STT3B: variants seen among roughly 807,000 people sequenced by gnomAD.
STT3B encodes dolichyl-diphosphooligosaccharide--protein glycosyltransferase subunit STT3B.
STT3B carries 29 observed loss-of-function variants against 96.8 expected under a neutral mutation model. The observed-to-expected ratio is 0.30, with a 90% CI of 0.22 to 0.41. The LOEUF is 0.41. Ranked by LOEUF, STT3B falls within the 10% of genes least tolerant of loss-of-function variation. STT3B has a pLI of 1.00. For synonymous variants in STT3B, 367 were observed against 360.0 expected (o/e 1.02, Z -0.22); for missense variants, 640 against 1,022.3 (o/e 0.63, Z 5.10).
At chr3:31,591,283 A>C (rs551069852) in intron 3 of STT3B, among the ~76,000 whole-genome samples, 27 of 152,140 alleles carry the variant, frequency 1.8e-4, no homozygotes, top group Middle Eastern at 6.8e-3. Context: ...ATTTCATATG[A>C]TTCCTGTTTC....
At chr3:31,557,532 G>A (rs571057713) in intron 1 of STT3B, among the ~76,000 whole-genome samples, 10 of 152,178 alleles carry the variant, frequency 6.6e-5, no homozygotes, top group African/African-American at 2.4e-4. Context: ...ATTTGTTTGT[G>A]TCCCTTTAAT....
chr3:31,620,895 T>A (rs866387542), intron 9 of STT3B, among the ~76,000 whole-genome samples: 9 of 151,580 alleles, frequency 5.9e-5, no homozygotes, highest in Middle Eastern at 6.8e-3. Flanking sequence ...GATTGCACAC[T>A]CATTGTTCTC....
intron 1 of STT3B, among the ~76,000 whole-genome samples, chr3:31,537,841 G>T (rs960565558): frequency 6.6e-6 from 1 of 152,086 alleles, no homozygotes; most frequent in Non-Finnish European, 1.5e-5. Flanking sequence ...TTGAGTGTTT[G>T]AGAAAATGTT....
At chr3:31,621,109 C>T (rs1228307626) in intron 9 of STT3B, among the ~76,000 whole-genome samples, 1 of 152,118 alleles carries the variant, frequency 6.6e-6, no homozygotes, top group African/African-American at 2.4e-5. Flanking sequence ...AAGTCATCAG[C>T]AGTAGCATGA....
intron 3 of STT3B, among the ~76,000 whole-genome samples, chr3:31,582,199 C>G (rs1698420651): frequency 6.6e-6 from 1 of 151,746 alleles, no homozygotes; most frequent in South Asian, 2.1e-4. Flanking sequence ...GTATATGCTG[C>G]TGAAGCAAGC....
At chr3:31,598,079 G>C (rs6788777) in intron 4 of STT3B, among the ~76,000 whole-genome samples, 4,307 of 151,900 alleles carry the variant, frequency 0.028, 227 homozygotes, top group African/African-American at 0.096. Context: ...CAAGTGATCT[G>C]CCTGTCTCAG....
chr3:31,629,539 C>T, intron 14 of STT3B, 128 bp downstream of exon 14: 2 of 495,738 alleles, frequency 4.0e-6, no homozygotes, highest in Non-Finnish European at 7.0e-6. Context: ...TCTAAATAGT[C>T]TTTTTTTCAT....
At chr3:31,627,027 C>T (rs879343785) in intron 13 of STT3B, among the ~76,000 whole-genome samples, 16 of 152,110 alleles carry the variant, frequency 1.1e-4, no homozygotes, top group Admixed American at 6.5e-4. Context: ...AATACCTTCC[C>T]TACCACAGAC....
chr3:31,536,052 A>G lies in STT3B; in HGVS notation c.314+2740A>G, dbSNP rs115815208. 2.6e-3 allele frequency among the ~76,000 whole-genome samples: 400 copies of G among 151,474 alleles called. 2 individuals are homozygous for G. The highest frequency in any genetic ancestry group is 9.5e-3 in the African/African-American group (392 of 41,274). On this transcript the variant is annotated intron_variant, in intron 1 of 15. Coordinates refer to ENST00000295770, the MANE Select transcript of STT3B (RefSeq NM_178862.3). Reference sequence around the variant, plus strand: ...TTAATGAGAGAATCAGGTTTCAGACAAAAAAAATACCTTGTTCTTGTTTTT... The same window carrying G: ...TTAATGAGAGAATCAGGTTTCAGACGAAAAAAATACCTTGTTCTTGTTTTT...
At chr3:31,606,097 G>T (rs1381609747) in intron 5 of STT3B, among the ~76,000 whole-genome samples, 1 of 152,226 alleles carries the variant, frequency 6.6e-6, no homozygotes, top group African/African-American at 2.4e-5. Context: ...TCTGGTGGAA[G>T]AAATTTTTAA....
intron 5 of STT3B, among the ~76,000 whole-genome samples, chr3:31,605,563 A>G (rs1180971244): frequency 2.0e-5 from 3 of 152,018 alleles, no homozygotes; most frequent in Non-Finnish European, 2.9e-5. Flanking sequence ...CTTGGTTTTC[A>G]TTTCCCTCTT....
chr3:31,600,343 C>T lies in STT3B; in HGVS notation c.778-17C>T. Reference sequence around the variant, plus strand: ...AAGTAAAAATATATATTTAACTTAGCACTTCTTTTCCTATAGGTCTCTGCT... The same window carrying T: ...AAGTAAAAATATATATTTAACTTAGTACTTCTTTTCCTATAGGTCTCTGCT... On this transcript the variant is annotated splice_polypyrimidine_tract_variant and intron_variant, in intron 4 of 15. Transcript: ENST00000295770. 8.8e-7 allele frequency: 1 copy of T among 1,134,400 alleles called. No individual in the cohort carries two copies. The highest frequency in any genetic ancestry group is 2.4e-5 in the East Asian group (1 of 41,500). 70.3% of individuals were successfully genotyped at this position (1,134,400 alleles called of 1,614,324 possible).
intron 1 of STT3B, among the ~76,000 whole-genome samples, chr3:31,555,679 T>C (rs987743168): frequency 3.9e-5 from 6 of 152,120 alleles, no homozygotes; most frequent in Admixed American, 1.3e-4. Flanking sequence ...TGTTTTATTA[T>C]GTATTTTTGT....
At chr3:31,616,091 AAAAAGGCAGG>A in intron 6 of STT3B, among the ~76,000 whole-genome samples, 1 of 152,078 alleles carries the variant, frequency 6.6e-6, no homozygotes, top group Middle Eastern at 3.4e-3. Context: ...TGAAAATTTT[AAAAAGGCAGG>A]GAAACTGTAT....
chr3:31,637,545 T>C lies in STT3B; in HGVS notation c.*1481T>C, dbSNP rs542851588. The C allele has an allele frequency of 6.6e-5, 10 of 152,356 alleles. No homozygotes were observed. Among genetic ancestry groups the C allele is most frequent in the Admixed American group, 3.3e-4 (5 of 15,314 alleles). The allele number at this position is 152,356 out of a possible 1,614,324, so 9.4% of individuals were successfully genotyped here. A position where few individuals can be genotyped will look rare whatever the true frequency, so the allele number is the denominator to read the frequency against. On this transcript the variant is annotated 3_prime_UTR_variant, in exon 16 of 16. Transcript: ENST00000295770. ...CCTTGTCATTTGGGGGATTTTATTT[T>C]ACTTTGTTGCTTTAAAATTCAATGC...
At chr3:31,552,285 T>C (rs1350713500) in intron 1 of STT3B, among the ~76,000 whole-genome samples, 4 of 152,200 alleles carry the variant, frequency 2.6e-5, no homozygotes, top group Non-Finnish European at 4.4e-5. Context: ...TCAAAAAATA[T>C]TGATTGAATA....
At chr3:31,632,790 T>TTAA in intron 14 of STT3B, 145 bp from the exon 15 acceptor site, 1 of 678,816 alleles carries the variant, frequency 1.5e-6, no homozygotes. Context: ...TAGCAATACA[T>TTAA]GAGAACTATT....
chr3:31,568,083 TCA>T (rs1698048091), intron 1 of STT3B, among the ~76,000 whole-genome samples: 1 of 152,106 alleles, frequency 6.6e-6, no homozygotes, highest in Non-Finnish European at 1.5e-5. Context: ...TTTTTAGCTC[TCA>T]CATATGAGAT....
At chr3:31,580,582 A>C (rs1698361832) in intron 3 of STT3B, among the ~76,000 whole-genome samples, 1 of 152,122 alleles carries the variant, frequency 6.6e-6, no homozygotes, top group Non-Finnish European at 1.5e-5. Context: ...TTTAGCTTGT[A>C]ATTTTCCAGT....
Sources: allele counts gnomAD v4.1 joint callset (sites outside exome capture counted in the v4.1 genomes callset), GRCh38; gene constraint gnomAD v4.1.1; transcripts MANE v1.5; gene names NCBI Gene and HGNC (gene_info 2026-07-23, HGNC 2026-07-21).